The following BCR variants were observed in gnomAD, a reference collection of about 807,000 sequenced individuals.
The protein encoded by BCR is breakpoint cluster region protein.
Under a neutral mutation model 138.6 loss-of-function variants are expected in BCR, and 58 were observed. The ratio of observed to expected loss-of-function variants is 0.42; its 90% confidence interval spans 0.34 to 0.52. BCR has a LOEUF of 0.52. Among genes scored for constraint, BCR ranks in the 20% least tolerant of loss-of-function variants. The probability of loss-of-function intolerance (pLI) is 0.06; values close to 1 mark genes in which losing one functional copy is unlikely to be tolerated. For synonymous variants in BCR, 786 were observed against 730.1 expected, an observed-to-expected ratio of 1.08 and a Z score of -1.23; for missense variants, 1,599 against 1,727.2, an observed-to-expected ratio of 0.93 and a Z score of 1.32.
intron 15 of BCR, 145 bp downstream of exon 15, chr22:23,292,783 A>G: frequency 4.8e-6 from 3 of 629,800 alleles, no homozygotes; most frequent in Non-Finnish European, 8.0e-6. Flanking sequence ...CTGGGGGGCC[A>G]GTAGGTGACG....
Position 23,288,172 on chromosome 22 carries a change from T to C in BCR, c.2602T>C (p.Cys868Arg). The C allele has an allele frequency of 1.2e-6, 2 of 1,613,790 alleles. No individual in the cohort carries two copies. The highest frequency in any genetic ancestry group is 1.1e-5 in the South Asian group (1 of 91,076). ...RENIREQQKK[C>R]FRSFSLTSVE... ...GAACATCCGGGAGCAGCAGAAGAAG[T>C]GTGAGTATCCTCTGTCCTGAGAGGG... The change falls in exon 12 of 23, where the codon TGT becomes CGT. Residue 868 changes from cysteine to arginine, a missense_variant and splice_region_variant. This residue lies in a region of BCR where 590 missense variants were observed against 762.4 expected (regional missense o/e 0.77). Coordinates refer to ENST00000305877, the MANE Select transcript of BCR (RefSeq NM_004327.4).
intron 4 of BCR, 144 bp from the exon 5 acceptor site, chr22:23,268,264 G>A (rs1175139042): frequency 2.0e-5 from 12 of 607,634 alleles, no homozygotes; most frequent in Non-Finnish European, 2.8e-6. Context: ...GGAGGGAGCA[G>A]CACGGAAGCG....
At chr22:23,308,520 T>C (rs2073972709) in intron 16 of BCR, among the ~76,000 whole-genome samples, 1 of 152,100 alleles carries the variant, frequency 6.6e-6, no homozygotes, top group Non-Finnish European at 1.5e-5. Flanking sequence ...TTAGCCAGGA[T>C]GGTCTCAACC....
intron 1 of BCR, among the ~76,000 whole-genome samples, chr22:23,243,973 G>A (rs1213326930): frequency 6.6e-6 from 1 of 152,114 alleles, no homozygotes; most frequent in Non-Finnish European, 1.5e-5. Flanking sequence ...GGAGGGGGTT[G>A]TGGGAACACC....
intron 13 of BCR, chr22:23,289,971 T>C (rs1223345617): frequency 2.0e-6 from 1 of 502,326 alleles, no homozygotes; most frequent in Non-Finnish European, 3.6e-6. Context: ...CCGGCACTTT[T>C]GGTCAAGCTG....
chr22:23,253,789 G>A lies in BCR; in HGVS notation c.1280-10G>A. On this transcript the variant is annotated splice_polypyrimidine_tract_variant and intron_variant, in intron 1 of 22. Transcript: ENST00000305877. Reference sequence around the variant, plus strand: ...TGTCTCTAACACAGGATGCTTCTTTGCACACACAGATGGCTCGTTCGGAAC... The same window carrying A: ...TGTCTCTAACACAGGATGCTTCTTTACACACACAGATGGCTCGTTCGGAAC... The A allele has an allele frequency of 6.2e-7, 1 of 1,606,578 alleles. No individual in the cohort carries two copies. The highest frequency in any genetic ancestry group is 8.5e-7 in the Non-Finnish European group (1 of 1,175,408).
rs1208887130 is a variant in BCR, at chr22:23,317,347, G to A, written c.*1825G>A. 1.6e-4 allele frequency: 29 copies of A among 185,758 alleles called. No individual in the cohort carries two copies. The highest frequency in any genetic ancestry group is 8.3e-4 in the Admixed American group (12 of 14,436). The allele number at this position is 185,758 out of a possible 1,614,324, so 11.5% of individuals were successfully genotyped here. A position where few individuals can be genotyped will look rare whatever the true frequency, so the allele number is the denominator to read the frequency against. ...AAGCAGTGTCACCGTCGTGGGTGGC[G>A]AGGACAGAACAGGAGCCTCTGCTCT... is the stretch of plus-strand genomic sequence containing the variant. On this transcript the variant is annotated 3_prime_UTR_variant, in exon 23 of 23. Transcript: ENST00000305877.
At chr22:23,259,983 G>A (rs541913704) in intron 2 of BCR, among the ~76,000 whole-genome samples, 9 of 152,136 alleles carry the variant, frequency 5.9e-5, no homozygotes, top group East Asian at 3.9e-4. Flanking sequence ...GTGAGACATC[G>A]TCTCAAAAAA....
intron 1 of BCR, among the ~76,000 whole-genome samples, chr22:23,201,535 G>A (rs1307053071): frequency 3.3e-5 from 5 of 152,276 alleles, no homozygotes; most frequent in Middle Eastern, 3.4e-3. Flanking sequence ...TTGGCTCACT[G>A]CAAGCTCCGC....
chr22:23,242,896 T>G, intron 1 of BCR: 1 of 455,700 alleles, frequency 2.2e-6, no homozygotes. Flanking sequence ...GATCCTTCCT[T>G]TCTGTTCCCA....
In BCR at chr22:23,248,018, G is replaced by T. The variant is rs117900495; in HGVS notation, c.1280-5781G>T. Among the ~76,000 whole-genome samples, 154 of 152,272 alleles carry T rather than the reference G, an allele frequency of 1.0e-3. 2 individuals are homozygous for T. The East Asian group carries it at 0.014, about 14-fold the overall frequency. On this transcript the variant is annotated intron_variant, in intron 1 of 22. Coordinates refer to ENST00000305877, the MANE Select transcript of BCR (RefSeq NM_004327.4). ...CCTTCCCATGTTGTGATGAATATGG[G>T]TGTGCAAATATGTCTTCAAGTTCCT...
chr22:23,287,956 T>C (rs975857692), intron 11 of BCR, 141 bp from the exon 12 acceptor site: 2 of 762,696 alleles, frequency 2.6e-6, no homozygotes, highest in African/African-American at 1.7e-5. Flanking sequence ...GGAAGCGACA[T>C]GCCAGGCCGT....
At chr22:23,196,150 G>A (rs2072478834) in intron 1 of BCR, among the ~76,000 whole-genome samples, 2 of 152,138 alleles carry the variant, frequency 1.3e-5, no homozygotes, top group Non-Finnish European at 2.9e-5. Flanking sequence ...CAGTTTAGTA[G>A]TGTTAAGCCT....
chr22:23,180,817 G>C lies in BCR; in HGVS notation c.-144G>C. 2 of 313,966 alleles carry C rather than the reference G, an allele frequency of 6.4e-6. No individual in the cohort carries two copies. Among genetic ancestry groups the C allele is most frequent in the Non-Finnish European group, 9.1e-6 (2 of 219,720 alleles). 19.4% of individuals were successfully genotyped at this position (313,966 alleles called of 1,614,324 possible). A position where few individuals can be genotyped will look rare whatever the true frequency, so the allele number is the denominator to read the frequency against. On this transcript the variant is annotated 5_prime_UTR_variant, in exon 1 of 23. Coordinates refer to ENST00000305877, the MANE Select transcript of BCR (RefSeq NM_004327.4). ...GCTCCGCCTCACCTGCCACCAGGGA[G>C]TGGGCGGGCATTGTTCGCCGCCGCC... is the stretch of plus-strand genomic sequence containing the variant.
chr22:23,243,437 A>G (rs2073120347), intron 1 of BCR, among the ~76,000 whole-genome samples: 1 of 152,010 alleles, frequency 6.6e-6, no homozygotes, highest in Non-Finnish European at 1.5e-5. Flanking sequence ...CTCCATGAAA[A>G]CACTACACAG....
intron 1 of BCR, among the ~76,000 whole-genome samples, chr22:23,191,715 A>G (rs936256724): frequency 3.3e-5 from 5 of 152,144 alleles, no homozygotes; most frequent in African/African-American, 1.2e-4. Flanking sequence ...GGGTGTTTGC[A>G]GATTGAAGAT....
chr22:23,278,481 C>T (rs991348540), intron 8 of BCR, among the ~76,000 whole-genome samples: 1 of 152,142 alleles, frequency 6.6e-6, no homozygotes, highest in Admixed American at 6.5e-5. Flanking sequence ...AATCCCAGCA[C>T]TTTGGGAGGC....
chr22:23,205,522 C>T (rs868105133), intron 1 of BCR, among the ~76,000 whole-genome samples: 7 of 152,118 alleles, frequency 4.6e-5, no homozygotes, highest in East Asian at 1.9e-4. Context: ...GTCCAGGATC[C>T]GAGCCTTGCT....
At chr22:23,268,247 G>A (rs1308771619) in intron 4 of BCR, among the ~76,000 whole-genome samples, 161 bp from the exon 5 acceptor site, 2 of 152,186 alleles carry the variant, frequency 1.3e-5, no homozygotes, top group Non-Finnish European at 2.9e-5. Context: ...GGGGAGGGGA[G>A]CAGGTGGGAG....
Sources: allele counts gnomAD v4.1 joint callset (sites outside exome capture counted in the v4.1 genomes callset), GRCh38; gene constraint gnomAD v4.1.1; regional missense constraint gnomAD v4.1.1; transcripts MANE v1.5; gene names NCBI Gene and HGNC (gene_info 2026-07-23, HGNC 2026-07-21).